Variants in ANO10 observed in about 807,000 individuals in gnomAD.
The protein encoded by ANO10 is anoctamin 10, also known as anoctamin-10.
Under a neutral mutation model 74.7 loss-of-function variants are expected in ANO10, and 77 were observed. The ratio of observed to expected loss-of-function variants is 1.03; its 90% confidence interval spans 0.86 to 1.25. ANO10 has a LOEUF of 1.25. Ranked by LOEUF, ANO10 falls within the 50% of genes most tolerant of loss-of-function variation. The pLI is 0.00. For synonymous variants in ANO10, 279 were observed against 284.9 expected (o/e 0.98, Z 0.21); for missense variants, 721 against 778.1 (o/e 0.93, Z 0.87).
At chr3:43,651,606 G>A (rs930357833) in intron 1 of ANO10, among the ~76,000 whole-genome samples, 1 of 152,160 alleles carries the variant, frequency 6.6e-6, no homozygotes, top group Non-Finnish European at 1.5e-5. Context: ...AATTCCTTAA[G>A]AGCAGAATTT....
intron 11 of ANO10, among the ~76,000 whole-genome samples, chr3:43,531,140 A>C (rs1031033991): frequency 1.3e-5 from 2 of 152,248 alleles, no homozygotes; most frequent in African/African-American, 2.4e-5. Flanking sequence ...GAAGTATTCT[A>C]ACTTTCAAGT....
At position 43,366,461 on chromosome 3, in the gene ANO10, C is replaced by T. The variant is rs530716958; in HGVS notation, c.*445G>A. 4.7e-5 allele frequency: 14 copies of T among 299,172 alleles called. No individual in the cohort carries two copies. The highest frequency in any genetic ancestry group is 3.3e-4 in the East Asian group (4 of 12,118). 18.5% of individuals were successfully genotyped at this position (299,172 alleles called of 1,614,324 possible). On this transcript the variant is annotated 3_prime_UTR_variant, in exon 13 of 13. Transcript: ENST00000292246. ...TGGGAAGCACTGCCTTACTGTACCC[C>T]GCTCACTCTCAACTGAGGCTCCTGT...
intron 11 of ANO10, among the ~76,000 whole-genome samples, chr3:43,519,030 A>T (rs2077833332): frequency 6.6e-6 from 1 of 152,092 alleles, no homozygotes; most frequent in South Asian, 2.1e-4. Flanking sequence ...TTTGCGGCTC[A>T]GGGGGCATCA....
intron 12 of ANO10, among the ~76,000 whole-genome samples, chr3:43,425,226 AG>A (rs1416536300): frequency 7.1e-6 from 1 of 141,098 alleles, no homozygotes; most frequent in East Asian, 2.0e-4. Context: ...TTTTTTAAAT[AG>A]AGATGAGGTC....
chr3:43,551,092 G>A (rs927358135), intron 10 of ANO10, among the ~76,000 whole-genome samples: 3 of 152,248 alleles, frequency 2.0e-5, no homozygotes, highest in East Asian at 1.9e-4. Flanking sequence ...TTACATGGAC[G>A]TATCAGAATT....
intron 11 of ANO10, among the ~76,000 whole-genome samples, chr3:43,548,566 T>TATATTTCTTTAGC (rs1375619730): frequency 6.6e-6 from 1 of 152,178 alleles, no homozygotes; most frequent in Non-Finnish European, 1.5e-5. Flanking sequence ...CAAAGCAGAA[T>TATATTTCTTTAGC]ATATTTCTTT....
intron 11 of ANO10, among the ~76,000 whole-genome samples, chr3:43,540,665 T>C (rs554059581): frequency 1.3e-5 from 2 of 152,136 alleles, no homozygotes; most frequent in African/African-American, 2.4e-5. Context: ...ACTCAGTGAG[T>C]GGACATCTTC....
At chr3:43,651,840 C>T (rs777797496) in intron 1 of ANO10, among the ~76,000 whole-genome samples, 2 of 151,980 alleles carry the variant, frequency 1.3e-5, no homozygotes, top group South Asian at 2.1e-4. Flanking sequence ...ATTTAATATC[C>T]GATTCAAATA....
chr3:43,616,637 T>C (rs1247449396), intron 1 of ANO10, among the ~76,000 whole-genome samples: 1 of 152,164 alleles, frequency 6.6e-6, no homozygotes, highest in African/African-American at 2.4e-5. Context: ...TCTTGGAGCT[T>C]TGAACACTGC....
At chr3:43,435,463 C>T (rs988279097) in intron 11 of ANO10, among the ~76,000 whole-genome samples, 8 of 146,468 alleles carry the variant, frequency 5.5e-5, no homozygotes, top group African/African-American at 7.6e-5. Context: ...GAGCTGAGAT[C>T]GTGCCACTGC....
At chr3:43,452,608 G>A (rs1381526712) in intron 11 of ANO10, among the ~76,000 whole-genome samples, 2 of 152,138 alleles carry the variant, frequency 1.3e-5, no homozygotes, top group East Asian at 1.9e-4. Context: ...GTTTCCATTT[G>A]AGGCTATCAC....
intron 11 of ANO10, among the ~76,000 whole-genome samples, chr3:43,513,677 A>AT (rs1471143664): frequency 6.6e-6 from 1 of 151,954 alleles, no homozygotes; most frequent in Non-Finnish European, 1.5e-5. Flanking sequence ...CGCCCAGCTA[A>AT]TTTTTTGTAT....
intron 12 of ANO10, among the ~76,000 whole-genome samples, chr3:43,392,156 TC>T (rs2092288943): frequency 6.7e-6 from 1 of 149,272 alleles, no homozygotes; most frequent in Admixed American, 6.8e-5. Flanking sequence ...TGAATCTTTC[TC>T]ACTGACTTTA....
chr3:43,546,693 A>T (rs1363125791), intron 11 of ANO10, among the ~76,000 whole-genome samples: 1 of 152,148 alleles, frequency 6.6e-6, no homozygotes, highest in Non-Finnish European at 1.5e-5. Flanking sequence ...TAGTGTGGAC[A>T]TATAGAAGAT....
rs528240556 is a variant in ANO10, at chr3:43,579,446, G to A, written c.592+907C>T. Among the ~76,000 whole-genome samples, 372 of 152,246 alleles carry A rather than the reference G, an allele frequency of 2.4e-3. 1 individual carries two copies. Among genetic ancestry groups the A allele is most frequent in the Middle Eastern group, 3.4e-3 (1 of 294 alleles). ...TTAAAACTTGTCTGAGGCTGGGCAC[G>A]GTGGCTCACACCTGTAATTCCAGCA... On this transcript the variant is annotated intron_variant, in intron 5 of 12. Coordinates refer to ENST00000292246, the MANE Select transcript of ANO10 (RefSeq NM_018075.5).
intron 11 of ANO10, among the ~76,000 whole-genome samples, chr3:43,455,172 T>C (rs1300761528): frequency 6.6e-6 from 1 of 151,802 alleles, no homozygotes; most frequent in Admixed American, 6.6e-5. Context: ...AGCAAGGTCA[T>C]GAGCCAAGAG....
intron 8 of ANO10, 35 bp from the exon 9 acceptor site, chr3:43,561,437 A>G (rs770309721): frequency 5.1e-6 from 8 of 1,574,136 alleles, no homozygotes; most frequent in Non-Finnish European, 7.0e-6. Context: ...TTTTGGGAAT[A>G]CAGCTTAATA....
intron 4 of ANO10, among the ~76,000 whole-genome samples, chr3:43,583,699 G>C (rs1285515636): frequency 3.9e-5 from 6 of 152,196 alleles, no homozygotes; most frequent in African/African-American, 1.4e-4. Flanking sequence ...CGCAGGAAGT[G>C]GTGGCCAGCA....
At chr3:43,451,846 C>T (rs1017639894) in intron 11 of ANO10, among the ~76,000 whole-genome samples, 1 of 152,104 alleles carries the variant, frequency 6.6e-6, no homozygotes, top group African/African-American at 2.4e-5. Context: ...AATGGAATTG[C>T]AAAGTCACAA....
Sources: gnomAD v4.1 joint callset for allele counts (sites outside exome capture counted in the v4.1 genomes callset) on GRCh38, gnomAD v4.1.1 for gene constraint, MANE v1.5 for transcripts, NCBI Gene and HGNC (gene_info 2026-07-23, HGNC 2026-07-21) for gene names.